WDPCP: variants seen among roughly 807,000 people sequenced by gnomAD.
The protein encoded by WDPCP is WD repeat-containing and planar cell polarity effector protein fritz homolog.
In WDPCP, 71 loss-of-function variants were observed where a neutral mutation model predicts 93.1. That is an observed-to-expected ratio of 0.76 (90% CI 0.63 to 0.93). The LOEUF (loss-of-function observed/expected upper bound fraction) is 0.93, where lower values mean the gene tolerates loss of function less well. Ranked by LOEUF, WDPCP falls within the 40% of genes least tolerant of loss-of-function variation. The pLI is 0.00. For missense variants in WDPCP, 844 were observed against 887.4 expected (o/e 0.95, Z 0.62); for synonymous variants, 315 against 315.0 (o/e 1.00, Z 0.00).
chr2:63,248,925 A>C, intron 14 of WDPCP, among the ~76,000 whole-genome samples: 1 of 150,030 alleles, frequency 6.7e-6, no homozygotes, highest in South Asian at 2.1e-4. Context: ...TTTTTTTTTA[A>C]TATTCTTTAG....
chr2:63,278,128 A>G (rs1265878592), intron 13 of WDPCP, among the ~76,000 whole-genome samples: 2 of 152,248 alleles, frequency 1.3e-5, no homozygotes, highest in Non-Finnish European at 2.9e-5. Context: ...CCATGCAAAT[A>G]CATGGAAATT....
At chr2:63,327,855 C>G (rs962480184) in intron 12 of WDPCP, among the ~76,000 whole-genome samples, 2 of 152,118 alleles carry the variant, frequency 1.3e-5, no homozygotes, top group East Asian at 1.9e-4. Flanking sequence ...AAATGGAACC[C>G]CAAATGAGTT....
At chr2:63,521,921 C>T (rs1702965040) in intron 1 of WDPCP, among the ~76,000 whole-genome samples, 1 of 152,152 alleles carries the variant, frequency 6.6e-6, no homozygotes, top group East Asian at 1.9e-4. Flanking sequence ...CAACCTGTTC[C>T]TGAATGACTT....
intron 1 of WDPCP, among the ~76,000 whole-genome samples, chr2:63,532,813 A>C (rs573868469): frequency 6.6e-6 from 1 of 152,336 alleles, no homozygotes; most frequent in South Asian, 2.1e-4. Flanking sequence ...AACGAGCAAA[A>C]TAACCAGCTA....
intron 12 of WDPCP, among the ~76,000 whole-genome samples, chr2:63,332,881 A>G (rs760278164): frequency 3.3e-5 from 5 of 152,072 alleles, no homozygotes; most frequent in Non-Finnish European, 7.4e-5. Flanking sequence ...AGCACTTGAG[A>G]TTACAGGTAC....
intron 2 of WDPCP, among the ~76,000 whole-genome samples, chr2:63,802,751 A>T (rs1670715193): frequency 6.6e-6 from 1 of 152,360 alleles, no homozygotes; most frequent in East Asian, 1.9e-4. Context: ...AAAAAGACAC[A>T]TAGAGATGTA....
chr2:63,613,971 CTT>C (rs1257442129), intron 3 of WDPCP, among the ~76,000 whole-genome samples: 1 of 151,940 alleles, frequency 6.6e-6, no homozygotes, highest in Non-Finnish European at 1.5e-5. Context: ...CTCGGACAGA[CTT>C]TTTATTCATT....
Position 63,762,701 on chromosome 2 carries a change from G to T in WDPCP, n.308+50921C>A, listed in dbSNP as rs116588371. Among the ~76,000 whole-genome samples the T allele has an allele frequency of 4.1e-3, 621 of 152,158 alleles. 3 individuals carry two copies. Among genetic ancestry groups the T allele is most frequent in the African/African-American group, 0.014 (581 of 41,516 alleles). On this transcript the variant is annotated intron_variant and non_coding_transcript_variant, in intron 2 of 4. Coordinates refer to the WDPCP transcript ENST00000467687. ...ACATGCTAGCTCAGATCTTTTTCTC[G>T]TCTTATAAAGCCACTGGTTCTCCTT...
At chr2:63,165,182 ATATTGTTTTTCT>A (rs1230225901) in intron 15 of WDPCP, among the ~76,000 whole-genome samples, 2 of 152,182 alleles carry the variant, frequency 1.3e-5, no homozygotes, top group African/African-American at 4.8e-5. Context: ...TTTAAAAAAT[ATATTGTTTTTCT>A]TACGTAAAGT....
chr2:63,683,624 G>A (rs534197897), intron 2 of WDPCP, among the ~76,000 whole-genome samples: 5 of 152,222 alleles, frequency 3.3e-5, no homozygotes, highest in South Asian at 2.1e-4. Context: ...AGGCCAAGGC[G>A]GGTGGATCAA....
At chr2:63,575,156 C>T (rs1478837505) in intron 1 of WDPCP, among the ~76,000 whole-genome samples, 1 of 151,348 alleles carries the variant, frequency 6.6e-6, no homozygotes. Flanking sequence ...GGACAACTAC[C>T]ATAACAAAAC....
chr2:63,532,082 C>A (rs767794723), intron 1 of WDPCP, among the ~76,000 whole-genome samples: 3 of 152,056 alleles, frequency 2.0e-5, no homozygotes, highest in Non-Finnish European at 4.4e-5. Flanking sequence ...CTTCAGTAGC[C>A]TATTCCATCA....
chr2:63,539,184 A>G (rs900633219), intron 1 of WDPCP, among the ~76,000 whole-genome samples: 16 of 152,188 alleles, frequency 1.1e-4, no homozygotes, highest in Admixed American at 5.2e-4. Flanking sequence ...AAAAATTTAT[A>G]TTTTCTACTA....
chr2:63,637,179 C>A lies in WDPCP; in HGVS notation n.488+13480G>T, dbSNP rs138351739. On this transcript the variant is annotated intron_variant and non_coding_transcript_variant, in intron 3 of 4. Coordinates refer to the WDPCP transcript ENST00000467687. ...CCAGCCTGGCCAAGATGGTGAAACC[C>A]CACCTCTACTAAAAATACAAAAAAT... 1.6e-3 allele frequency among the ~76,000 whole-genome samples: 242 copies of A among 151,942 alleles called. 3 individuals are homozygous for A. In the East Asian group the frequency reaches 0.031, roughly 20 times the overall value.
chr2:63,392,172 T>C (rs1345786149), intron 10 of WDPCP, among the ~76,000 whole-genome samples: 3 of 152,200 alleles, frequency 2.0e-5, no homozygotes, highest in Non-Finnish European at 2.9e-5. Context: ...AGCATGGTAC[T>C]GGTACCAAAA....
Position 63,449,125 on chromosome 2 carries a change from G to C in WDPCP, c.385-9254C>G, listed in dbSNP as rs948805112. Among the ~76,000 whole-genome samples the C allele has an allele frequency of 3.3e-5, 5 of 151,940 alleles. No individual in the cohort carries two copies. The East Asian group carries it at 5.8e-4, about 18-fold the overall frequency. On this transcript the variant is annotated intron_variant, in intron 6 of 17. Coordinates refer to ENST00000272321, the MANE Select transcript of WDPCP (RefSeq NM_015910.7). ...ATCACATTGTACCCCATAAATATATGCAATTATTATTTATCAATTAACAAC... is the reference window on the plus strand; with the variant it reads ...ATCACATTGTACCCCATAAATATATCCAATTATTATTTATCAATTAACAAC...
At chr2:63,139,453 G>A (rs139274960) in intron 17 of WDPCP, among the ~76,000 whole-genome samples, 14 of 152,236 alleles carry the variant, frequency 9.2e-5, no homozygotes, top group African/African-American at 3.4e-4. Flanking sequence ...GTGTAGAAGT[G>A]TTCCCTGTTC....
intron 1 of WDPCP, among the ~76,000 whole-genome samples, chr2:63,520,904 A>G (rs960292871): frequency 3.3e-5 from 5 of 151,922 alleles, no homozygotes; most frequent in African/African-American, 1.2e-4. Context: ...CTCAAAAAAA[A>G]AAAAAAAAAA....
intron 13 of WDPCP, among the ~76,000 whole-genome samples, chr2:63,264,388 C>T (rs1296648594): frequency 6.6e-6 from 1 of 152,158 alleles, no homozygotes; most frequent in African/African-American, 2.4e-5. Flanking sequence ...GCCTGTAATC[C>T]CAGCACTTTG....
Sources: gnomAD v4.1 joint callset for allele counts (sites outside exome capture counted in the v4.1 genomes callset) on GRCh38, gnomAD v4.1.1 for gene constraint, MANE v1.5 for transcripts, NCBI Gene and HGNC (gene_info 2026-07-23, HGNC 2026-07-21) for gene names.